MTCL2: variants seen among roughly 807,000 people sequenced by gnomAD.
MTCL2 encodes microtubule cross-linking factor 2.
chr20:36,795,712 G>T, the MTCL2 span, among the ~76,000 whole-genome samples: 1 of 152,042 alleles, frequency 6.6e-6, no homozygotes, highest in Non-Finnish European at 1.5e-5. Flanking sequence ...GGAGGTGGAG[G>T]TTGCAGTAAA....
At chr20:36,839,192 C>A in the MTCL2 span, 1 of 1,573,526 alleles carries the variant, frequency 6.4e-7, no homozygotes, top group Non-Finnish European at 8.6e-7. The surrounding 1 kb of genome is among the most constrained non-coding windows in gnomAD (Gnocchi z 5.1). Context: ...ATCCCAGCAA[C>A]AAGGGCACCC....
chr20:36,826,241 C>T, the MTCL2 span, among the ~76,000 whole-genome samples: 2 of 149,440 alleles, frequency 1.3e-5, no homozygotes, highest in African/African-American at 2.5e-5. Flanking sequence ...GATCTCCTGA[C>T]CTCATGATCC....
At chr20:36,835,801 C>T in the MTCL2 span, among the ~76,000 whole-genome samples, 4 of 152,216 alleles carry the variant, frequency 2.6e-5, no homozygotes, top group East Asian at 7.8e-4. Flanking sequence ...ACGGCCCCTC[C>T]TCTCCGCCCA....
the MTCL2 span, among the ~76,000 whole-genome samples, chr20:36,807,863 GTCT>G: frequency 2.0e-5 from 2 of 101,924 alleles, no homozygotes; most frequent in Non-Finnish European, 4.1e-5. Context: ...GAGAAACCCT[GTCT>G]TTTTTTTTTT....
the MTCL2 span, among the ~76,000 whole-genome samples, chr20:36,788,689 T>G: frequency 6.7e-4 from 102 of 152,308 alleles, 4 homozygotes; most frequent in East Asian, 0.012. Context: ...AGAGCCAAAC[T>G]GCTTGGTTAA....
At chr20:36,794,958 A>G in the MTCL2 span, among the ~76,000 whole-genome samples, 1 of 147,102 alleles carries the variant, frequency 6.8e-6, no homozygotes, top group South Asian at 2.2e-4. This position sits in a 1 kb window ranked among gnomAD's most constrained non-coding sequence, Gnocchi z 5.4. Context: ...TTTTTTCTTG[A>G]GACAGAGTCT....
chr20:36,851,766 G>C, the MTCL2 span, among the ~76,000 whole-genome samples: 3 of 152,172 alleles, frequency 2.0e-5, no homozygotes, highest in Non-Finnish European at 4.4e-5. Flanking sequence ...CTACCACCAG[G>C]ATGTGATGTC....
the MTCL2 span, among the ~76,000 whole-genome samples, chr20:36,814,821 AG>A: frequency 1.3e-5 from 2 of 152,174 alleles, no homozygotes; most frequent in Non-Finnish European, 2.9e-5. Flanking sequence ...TGGGAGTTGG[AG>A]GTTACAGTGA....
At chr20:36,817,562 G>T in the MTCL2 span, 1 of 1,287,168 alleles carries the variant, frequency 7.8e-7, no homozygotes, top group Non-Finnish European at 1.1e-6. Flanking sequence ...AGTGCCCAGG[G>T]TCCAGGGAGG....
the MTCL2 span, among the ~76,000 whole-genome samples, chr20:36,826,098 C>T: frequency 4.6e-3 from 702 of 151,380 alleles, 3 homozygotes; most frequent in African/African-American, 0.016. Flanking sequence ...GCTTCACCTC[C>T]GGGGTTCATG....
chr20:36,777,916 G>A, the MTCL2 span: 2 of 601,390 alleles, frequency 3.3e-6, no homozygotes, highest in Non-Finnish European at 5.9e-6. Context: ...GAGGAACTGG[G>A]GATTTAGGAT....
At chr20:36,813,938 C>T in the MTCL2 span, among the ~76,000 whole-genome samples, 6 of 152,096 alleles carry the variant, frequency 3.9e-5, no homozygotes, top group African/African-American at 7.2e-5. Flanking sequence ...ACGCTCCTTC[C>T]GCCTCTGATC....
At chr20:36,827,020 T>G in the MTCL2 span, among the ~76,000 whole-genome samples, 1 of 136,128 alleles carries the variant, frequency 7.3e-6, no homozygotes, top group East Asian at 2.2e-4. Flanking sequence ...GTTATCATCC[T>G]GCTTTATTTA....
the MTCL2 span, among the ~76,000 whole-genome samples, chr20:36,810,725 T>TCTCTCTCTCC: frequency 7.1e-6 from 1 of 141,446 alleles, no homozygotes; most frequent in African/African-American, 2.7e-5. Context: ...TCCCTCTCTC[T>TCTCTCTCTCC]CTCTCTCTCT....
the MTCL2 span, among the ~76,000 whole-genome samples, chr20:36,800,696 T>C: frequency 1.3e-5 from 2 of 152,180 alleles, no homozygotes; most frequent in East Asian, 3.8e-4. Context: ...CTAAGATCCA[T>C]AAACTCATGA....
the MTCL2 span, among the ~76,000 whole-genome samples, chr20:36,833,280 G>A: frequency 6.6e-6 from 1 of 152,284 alleles, no homozygotes; most frequent in East Asian, 1.9e-4. Context: ...AGGGCCCCAC[G>A]TGTCTATCCC....
chr20:36,849,323 T>G, the MTCL2 span, among the ~76,000 whole-genome samples: 3 of 152,090 alleles, frequency 2.0e-5, no homozygotes, highest in African/African-American at 7.2e-5. Context: ...CCTCCCAAAG[T>G]GCTGGGATTA....
At chr20:36,841,383 T>C in the MTCL2 span, among the ~76,000 whole-genome samples, 1 of 150,296 alleles carries the variant, frequency 6.7e-6, no homozygotes, top group Non-Finnish European at 1.5e-5. Context: ...AAAGCCAAAA[T>C]GAAACCAAAC....
At chr20:36,847,506 C>G in the MTCL2 span, among the ~76,000 whole-genome samples, 2 of 152,078 alleles carry the variant, frequency 1.3e-5, no homozygotes, top group Admixed American at 6.6e-5. Context: ...CAGGGCAGAC[C>G]GTGGCACAGA....
Sources: gnomAD v4.1 joint callset for allele counts (sites outside exome capture counted in the v4.1 genomes callset) on GRCh38, gnomAD v4.1.1 for gene constraint, Gnocchi (gnomAD v3.1) non-coding constraint, MANE v1.5 for transcripts, NCBI Gene and HGNC (gene_info 2026-07-23, HGNC 2026-07-21) for gene names.